FLAD1: variants seen among roughly 807,000 people sequenced by gnomAD.
The protein encoded by FLAD1 is bifunctional FAD diphosphatase/FAD synthase.
A neutral mutation model predicts 55.0 loss-of-function variants in FLAD1; 35 were observed. The observed-to-expected ratio is 0.64, with a 90% confidence interval of 0.49 to 0.84. The LOEUF (loss-of-function observed/expected upper bound fraction) is 0.84, where lower values mean the gene tolerates loss of function less well. FLAD1 is among the 40% of genes least tolerant of loss of function. FLAD1 has a pLI of 0.00. For synonymous variants in FLAD1, 267 were observed against 303.0 expected, an observed-to-expected ratio of 0.88 and a Z score of 1.23; for missense variants, 665 against 742.6, an observed-to-expected ratio of 0.90 and a Z score of 1.21.
chr1:154,984,159 G>A, intron 1 of FLAD1, 93 bp downstream of exon 1: 1 of 1,195,352 alleles, frequency 8.4e-7, no homozygotes, highest in Non-Finnish European at 1.1e-6. Context: ...GTGAAACAGG[G>A]TGGGAGCCTC....
chr1:154,988,840 G>C lies in FLAD1; in HGVS notation c.1108G>C (p.Ala370Pro). 1 of 1,614,172 alleles carries C rather than the reference G, an allele frequency of 6.2e-7. No individual in the cohort carries two copies. Among genetic ancestry groups the C allele is most frequent in the Non-Finnish European group, 8.5e-7 (1 of 1,180,024 alleles). Residue 370 changes from alanine to proline, a missense_variant, in exon 2 of 7, where the codon GCT (alanine) becomes CCT (proline). Transcript: ENST00000292180. The part of the protein sequence containing the change: ...EQASEAVYKL[A>P]ESGSSLGKKV... Reference sequence around the variant, plus strand: ...GGCCAGTGAGGCTGTATACAAACTCGCTGAATCAGGTAGGGACCTTATGGA... The same window carrying C: ...GGCCAGTGAGGCTGTATACAAACTCCCTGAATCAGGTAGGGACCTTATGGA...
At chr1:154,988,953 G>C in intron 2 of FLAD1, 104 bp downstream of exon 2, 1 of 1,553,506 alleles carries the variant, frequency 6.4e-7, no homozygotes, top group Non-Finnish European at 8.7e-7. Context: ...ATCCCTGAGA[G>C]GGCAGAAGAT....
intron 1 of FLAD1, among the ~76,000 whole-genome samples, chr1:154,985,967 C>T (rs1422021244): frequency 6.6e-6 from 1 of 151,396 alleles, no homozygotes; most frequent in Non-Finnish European, 1.5e-5. Context: ...CTCAGGTGAT[C>T]CACCCGCTTC....
rs1318584141 is a variant in FLAD1 at position 154,988,617 on chromosome 1, C to T, written c.885C>T (p.Pro295=). Residue 295 remains proline (P), a synonymous_variant, in exon 2 of 7, where the codon CCC becomes CCT. Coordinates refer to ENST00000292180, the MANE Select transcript of FLAD1 (RefSeq NM_025207.5). ...CTGCTGATGAAGCCTCCATCGCCCC[C>T]ATTCTGGCTGAGGCCCAGGCCCACT... ...YVAADEASIA[P]ILAEAQAHFG... 1 of 1,614,250 alleles carries T rather than the reference C, an allele frequency of 6.2e-7. No individual in the cohort carries two copies. The highest frequency in any genetic ancestry group is 1.7e-5 in the Admixed American group (1 of 60,024).
At position 154,984,888 on chromosome 1, in the gene FLAD1, A is replaced by G. The variant is rs115017509; in HGVS notation, c.372+822A>G. ...ACACGGGTTTTTTTGTTTTTGAGAC[A>G]AGATTTTGCTCTGTCACCTAGGCTG... On this transcript the variant is annotated intron_variant, in intron 1 of 6. Transcript: ENST00000292180. Among the ~76,000 whole-genome samples the G allele has an allele frequency of 8.1e-3, 1,235 of 152,074 alleles. 11 individuals carry two copies. The highest frequency in any genetic ancestry group is 0.028 in the African/African-American group (1,158 of 41,472).
intron 2 of FLAD1, among the ~76,000 whole-genome samples, 176 bp from the exon 3 acceptor site, chr1:154,989,384 G>A (rs1483880732): frequency 6.6e-6 from 1 of 152,152 alleles, no homozygotes; most frequent in African/African-American, 2.4e-5. Context: ...GGTGGCAGAT[G>A]GCAGGGCAGG....
chr1:154,983,405 T>TTTC lies in FLAD1; in HGVS notation c.-290_-289insTTC. 3.2e-6 allele frequency: 1 copy of TTTC among 314,190 alleles called. No individual in the cohort carries two copies. Among genetic ancestry groups the TTTC allele is most frequent in the Non-Finnish European group, 5.9e-6 (1 of 169,422 alleles). The allele number at this position is 314,190 out of a possible 1,614,324, so 19.5% of individuals were successfully genotyped here. ...AAGGGGCAGAACAGGCAGGTGAGAGTCTAAGAGGGCTCAGTAATCTGAAGC... is the reference window on the plus strand; with the variant it reads ...AAGGGGCAGAACAGGCAGGTGAGAGTTTCCTAAGAGGGCTCAGTAATCTGAAGC... On this transcript the variant is annotated 5_prime_UTR_variant, in exon 1 of 7. Transcript: ENST00000292180.
intron 5 of FLAD1, 27 bp from the exon 6 acceptor site, chr1:154,992,686 G>T: frequency 6.2e-7 from 1 of 1,614,184 alleles, no homozygotes; most frequent in East Asian, 2.2e-5. Flanking sequence ...GAGCATTTGT[G>T]ACTATTCTAT....
chr1:154,988,461 C>G lies in FLAD1; in HGVS notation c.729C>G (p.Phe243Leu). The change falls in exon 2 of 7, where the codon TTC becomes TTG. Residue 243 changes from phenylalanine (F) to leucine (L), a missense_variant. By Grantham distance (22) the Phe-to-Leu change is conservative (BLOSUM62 0). Coordinates refer to ENST00000292180, the MANE Select transcript of FLAD1 (RefSeq NM_025207.5). ...CTTGCACTGGTCAACCTTTCAGATT[C>G]CCTCTGGTCTCCGTCCGAAACGTCT... ...TDPCTGQPFR[F>L]PLVSVRNVYL... is the part of the protein sequence containing the mutation. 6.2e-7 allele frequency: 1 copy of G among 1,614,252 alleles called. No individual in the cohort carries two copies. Among genetic ancestry groups the G allele is most frequent in the Non-Finnish European group, 8.5e-7 (1 of 1,180,046 alleles).
At chr1:154,984,105 C>A in intron 1 of FLAD1, 39 bp downstream of exon 1, 1 of 1,462,228 alleles carries the variant, frequency 6.8e-7, no homozygotes, top group Non-Finnish European at 9.1e-7. Context: ...GCGCTGCGTT[C>A]TCCTGTCCTT....
intron 1 of FLAD1, among the ~76,000 whole-genome samples, chr1:154,986,700 C>G (rs527836105): frequency 7.2e-6 from 1 of 139,804 alleles, no homozygotes; most frequent in South Asian, 2.2e-4. Flanking sequence ...CCCAGCCCCC[C>G]ACCCTTTTTT....
intron 1 of FLAD1, among the ~76,000 whole-genome samples, chr1:154,986,344 G>C (rs917718585): frequency 6.6e-6 from 1 of 152,118 alleles, no homozygotes; most frequent in Admixed American, 6.5e-5. Context: ...AGCCTCCCGA[G>C]TAGCTGGGAC....
At chr1:154,990,023 T>G (rs893417969) in intron 3 of FLAD1, 136 bp from the exon 4 acceptor site, 2 of 791,200 alleles carry the variant, frequency 2.5e-6, no homozygotes, top group Non-Finnish European at 4.3e-6. Flanking sequence ...GAAGTGGGTC[T>G]AATGGATGGA....
rs575828483 is a variant in FLAD1, at chr1:154,983,514, G to GC, written c.-180dup. On this transcript the variant is annotated 5_prime_UTR_variant, in exon 1 of 7. Transcript: ENST00000292180. ...ACGGGATTTTGGTCCGGGGTGGAGA[G>GC]CGAATGCATTGAAAAGGGCCAAGGC... 7.8e-4 allele frequency: 436 copies of GC among 558,902 alleles called. 1 individual carries two copies. The highest frequency in any genetic ancestry group is 7.4e-3 in the African/African-American group (395 of 53,378). 34.6% of individuals were successfully genotyped at this position (558,902 alleles called of 1,614,324 possible).
rs920886455 is a variant in FLAD1, at chr1:154,988,264, G to A, written c.532G>A (p.Gly178Ser). Residue 178 changes from glycine to serine, a missense_variant, in exon 2 of 7, where the codon GGC (glycine) becomes AGC (serine). Physicochemically the swap from Gly to Ser is moderately conservative, Grantham distance 56. Coordinates refer to ENST00000292180, the MANE Select transcript of FLAD1 (RefSeq NM_025207.5). ...CTTCACCCATGTCCTCACAGCAGGG[G>A]GCATCGGCCCCACTCATGATGATGT... The part of the protein sequence containing the change: ...NRFTHVLTAG[G>S]IGPTHDDVTF... 2.5e-6 allele frequency: 4 copies of A among 1,614,114 alleles called. No individual in the cohort carries two copies. In the African/African-American group the frequency reaches 5.3e-5, roughly 22 times the overall value.
At chr1:154,991,206 C>CAAA (rs35637355) in intron 5 of FLAD1, 3 of 68,604 alleles carry the variant, frequency 4.4e-5, no homozygotes, top group African/African-American at 1.7e-4. Context: ...GACTCTGTCT[C>CAAA]AAAAAAAAAA....
In FLAD1 at chr1:154,988,190, C is replaced by T; in HGVS notation, c.458C>T (p.Pro153Leu). Residue 153 changes from proline (P) to leucine (L), a missense_variant, in exon 2 of 7, where the codon CCT (proline) becomes CTT (leucine). Transcript: ENST00000292180. ...GVQVCRVSVV[P>L]DEVATIAAEV... ...CAGGTTTGCCGAGTCTCAGTTGTAC[C>T]TGATGAGGTAGCCACCATTGCAGCT... 6.2e-7 allele frequency: 1 copy of T among 1,614,232 alleles called. No individual in the cohort carries two copies. The highest frequency in any genetic ancestry group is 1.1e-5 in the South Asian group (1 of 91,084).
In FLAD1 at chr1:154,992,851, A is replaced by G. The variant is rs373705121; in HGVS notation, c.1629-51A>G. The G allele has an allele frequency of 4.3e-6, 7 of 1,613,756 alleles. No homozygotes were observed. In the African/African-American group the frequency reaches 6.7e-5, roughly 15 times the overall value. ...TAGGGTGCTGGGATAGGGAGGGCCA[A>G]TAGGATCGCCCACCCTACCACATGC... On this transcript the variant is annotated intron_variant, in intron 6 of 6. Coordinates refer to ENST00000292180, the MANE Select transcript of FLAD1 (RefSeq NM_025207.5).
chr1:154,990,713 A>G (rs1418316396), intron 5 of FLAD1, 185 bp downstream of exon 5: 8 of 547,772 alleles, frequency 1.5e-5, no homozygotes, highest in African/African-American at 7.6e-5. Flanking sequence ...CCCAAATTCA[A>G]TAGCAGGCAT....
Sources: allele counts gnomAD v4.1 joint callset (sites outside exome capture counted in the v4.1 genomes callset), GRCh38; gene constraint gnomAD v4.1.1; transcripts MANE v1.5; gene names NCBI Gene and HGNC (gene_info 2026-07-23, HGNC 2026-07-21).